The following MOGAT1 variants were observed in gnomAD, a reference collection of about 807,000 sequenced individuals.
The protein encoded by MOGAT1 is 2-acylglycerol O-acyltransferase 1.
Under a neutral mutation model 31.4 loss-of-function variants are expected in MOGAT1, and 32 were observed. That is an observed-to-expected ratio of 1.02 (90% CI 0.77 to 1.37). MOGAT1 has a LOEUF of 1.37. MOGAT1 is among the 40% of genes most tolerant of loss of function. The probability of loss-of-function intolerance (pLI) is 0.00; values close to 1 mark genes in which losing one functional copy is unlikely to be tolerated. For synonymous variants in MOGAT1, 145 were observed against 144.5 expected, an observed-to-expected ratio of 1.00 and a Z score of -0.03; for missense variants, 426 against 402.0, an observed-to-expected ratio of 1.06 and a Z score of -0.51.
intron 3 of MOGAT1, among the ~76,000 whole-genome samples, chr2:222,690,435 T>C (rs189015748): frequency 6.6e-6 from 1 of 152,090 alleles, no homozygotes; most frequent in Non-Finnish European, 1.5e-5. Flanking sequence ...TGGGCGCCTG[T>C]AATCCCAGCT....
chr2:222,694,254 G>T (rs190236106), intron 3 of MOGAT1, 108 bp from the exon 4 acceptor site: 2 of 998,562 alleles, frequency 2.0e-6, no homozygotes, highest in Middle Eastern at 3.1e-4. Flanking sequence ...AAGGTAAGCA[G>T]TGTAGGAAAT....
Position 222,673,930 on chromosome 2 carries a change from G to A in MOGAT1, c.94+2051G>A, listed in dbSNP as rs993473105. On this transcript the variant is annotated intron_variant, in intron 1 of 5. Transcript: ENST00000446656. Reference sequence around the variant, plus strand: ...ATACTTGAGATATACACAAATACTTGTTGAATGGCTGTTTCTGGTCTATCA... The same window carrying A: ...ATACTTGAGATATACACAAATACTTATTGAATGGCTGTTTCTGGTCTATCA... Among the ~76,000 whole-genome samples, 10 of 152,204 alleles carry A rather than the reference G, an allele frequency of 6.6e-5. No homozygotes were observed. The East Asian group carries it at 1.5e-3, about 23-fold the overall frequency.
At chr2:222,692,926 C>T (rs1692783648) in intron 3 of MOGAT1, among the ~76,000 whole-genome samples, 2 of 152,200 alleles carry the variant, frequency 1.3e-5, no homozygotes, top group African/African-American at 4.8e-5. Context: ...AATGGCATGT[C>T]TTGACCTCAG....
chr2:222,680,109 G>T (rs1331971889), intron 1 of MOGAT1, among the ~76,000 whole-genome samples: 1 of 152,098 alleles, frequency 6.6e-6, no homozygotes, highest in African/African-American at 2.4e-5. Flanking sequence ...AACTAAATTT[G>T]CTGTAATTTT....
chr2:222,701,586 G>GAAAGAAAGAA (rs1471150616), intron 5 of MOGAT1, among the ~76,000 whole-genome samples: 31 of 90,338 alleles, frequency 3.4e-4, no homozygotes, highest in African/African-American at 1.3e-3. Context: ...GAAAGAAAAA[G>GAAAGAAAGAA]AAAGAAAGAA....
In MOGAT1 at chr2:222,681,345, C is replaced by T. The variant is rs1692578319; in HGVS notation, c.95-6999C>T. Among the ~76,000 whole-genome samples, 3 of 152,278 alleles carry T rather than the reference C, an allele frequency of 2.0e-5. No individual in the cohort carries two copies. In the South Asian group the frequency reaches 6.2e-4, roughly 32 times the overall value. ...ATTCACACGACCTCCTCCTTGGACT[C>T]TGTCATTTGCTATGATGGCTCATAG... is the stretch of plus-strand genomic sequence containing the variant. On this transcript the variant is annotated intron_variant, in intron 1 of 5. Coordinates refer to ENST00000446656, the MANE Select transcript of MOGAT1 (RefSeq NM_058165.3).
intron 1 of MOGAT1, among the ~76,000 whole-genome samples, chr2:222,687,202 A>C (rs1352828914): frequency 6.6e-6 from 1 of 151,398 alleles, no homozygotes; most frequent in Non-Finnish European, 1.5e-5. Flanking sequence ...CATGTATGTC[A>C]GTATATATGT....
chr2:222,694,394 T>C lies in MOGAT1; in HGVS notation c.511T>C (p.Tyr171His), dbSNP rs757821897. The change falls in exon 4 of 6, where the codon TAC (tyrosine) becomes CAC (histidine). Residue 171 changes from tyrosine to histidine, a missense_variant. Transcript: ENST00000446656. ...LVSVSKKSVS[Y>H]MVSKEGGGNI... The stretch of plus-strand genomic sequence containing the variant: ...TTCAGTTTCCAAGAAAAGTGTGTCC[T>C]ACATGGTAAGCAAGGAGGGAGGTGG... 5.0e-6 allele frequency: 8 copies of C among 1,613,406 alleles called. No homozygotes were observed. Among genetic ancestry groups the C allele is most frequent in the South Asian group, 1.1e-5 (1 of 90,996 alleles).
At chr2:222,694,239 C>T in intron 3 of MOGAT1, 123 bp from the exon 4 acceptor site, 1 of 833,632 alleles carries the variant, frequency 1.2e-6, no homozygotes, top group South Asian at 2.1e-5. Context: ...TTACAAAGTG[C>T]TCCAAAGGTA....
intron 3 of MOGAT1, among the ~76,000 whole-genome samples, chr2:222,691,690 C>T (rs553248519): frequency 2.0e-5 from 3 of 152,306 alleles, no homozygotes; most frequent in Non-Finnish European, 4.4e-5. Flanking sequence ...TCCAAGGCTG[C>T]CCCTCTCCAC....
chr2:222,689,508 G>T, intron 3 of MOGAT1, 39 bp downstream of exon 3: 1 of 1,571,806 alleles, frequency 6.4e-7, no homozygotes, highest in Non-Finnish European at 8.8e-7. Flanking sequence ...AGTGCTTTGG[G>T]GTAGCAGGAG....
intron 1 of MOGAT1, among the ~76,000 whole-genome samples, chr2:222,673,613 G>A (rs897175185): frequency 6.6e-6 from 1 of 152,150 alleles, no homozygotes; most frequent in African/African-American, 2.4e-5. Context: ...GCAGGACGTG[G>A]TAGAGCTGGT....
At chr2:222,677,819 A>G (rs1247284580) in intron 1 of MOGAT1, 2 of 274,644 alleles carry the variant, frequency 7.3e-6, no homozygotes, top group Middle Eastern at 1.5e-3. Flanking sequence ...ATCTTTGCTA[A>G]TGCCTTCTGG....
chr2:222,673,919 C>A (rs1272889581), intron 1 of MOGAT1, among the ~76,000 whole-genome samples: 1 of 152,124 alleles, frequency 6.6e-6, no homozygotes, highest in Non-Finnish European at 1.5e-5. Context: ...TTGAGATATA[C>A]ACAAATACTT....
intron 5 of MOGAT1, among the ~76,000 whole-genome samples, 162 bp from the exon 6 acceptor site, chr2:222,709,574 G>A (rs1383222674): frequency 6.6e-6 from 1 of 152,198 alleles, no homozygotes; most frequent in Non-Finnish European, 1.5e-5. Context: ...CAGATGGAGT[G>A]GTGTGACCAC....
At chr2:222,697,260 T>C (rs1168751409) in intron 5 of MOGAT1, among the ~76,000 whole-genome samples, 1 of 152,232 alleles carries the variant, frequency 6.6e-6, no homozygotes, top group East Asian at 1.9e-4. Context: ...AGGTCTGTTT[T>C]GCTAGGCTAG....
At chr2:222,681,547 G>T (rs1020238044) in intron 1 of MOGAT1, among the ~76,000 whole-genome samples, 1 of 152,190 alleles carries the variant, frequency 6.6e-6, no homozygotes, top group Non-Finnish European at 1.5e-5. Flanking sequence ...CCCAGAAGCT[G>T]TCTGAACCCT....
chr2:222,703,060 C>G (rs1244875819), intron 5 of MOGAT1, among the ~76,000 whole-genome samples: 1 of 152,036 alleles, frequency 6.6e-6, no homozygotes, highest in African/African-American at 2.4e-5. Context: ...CATCAACCAA[C>G]AGGAGAAAAG....
chr2:222,677,705 C>A, intron 1 of MOGAT1: 1 of 420,830 alleles, frequency 2.4e-6, no homozygotes, highest in South Asian at 2.0e-5. Context: ...CCTTTCTTGT[C>A]TTTTTCTTTC....
Sources: gnomAD v4.1 joint callset for allele counts (sites outside exome capture counted in the v4.1 genomes callset) on GRCh38, gnomAD v4.1.1 for gene constraint, MANE v1.5 for transcripts, NCBI Gene and HGNC (gene_info 2026-07-23, HGNC 2026-07-21) for gene names.